TRIO: variants seen among roughly 807,000 people sequenced by gnomAD.
The protein encoded by TRIO is triple functional domain protein.
Under a neutral mutation model 351.9 loss-of-function variants are expected in TRIO, and 58 were observed. That is an observed-to-expected ratio of 0.16 (90% CI 0.13 to 0.21). The LOEUF is 0.21. Ranked by LOEUF, TRIO falls within the 10% of genes least tolerant of loss-of-function variation. The pLI is 1.00. For synonymous variants in TRIO, 1,758 were observed against 1,595.7 expected (o/e 1.10, Z -2.42); for missense variants, 3,201 against 4,027.8 (o/e 0.79, Z 5.56).
At chr5:14,479,869 G>T (rs1222737041) in intron 42 of TRIO, 50 bp from the exon 43 acceptor site, 1 of 1,547,348 alleles carries the variant, frequency 6.5e-7, no homozygotes, top group African/African-American at 1.4e-5. Flanking sequence ...CTAAAAAATT[G>T]CCCTTTAATG....
intron 21 of TRIO, among the ~76,000 whole-genome samples, chr5:14,386,120 G>A (rs1746518186): frequency 6.6e-6 from 1 of 152,234 alleles, no homozygotes; most frequent in African/African-American, 2.4e-5. Flanking sequence ...AGAAGAATAG[G>A]CAGGGAGGCA....
chr5:14,411,542 C>T (rs1469035616), intron 33 of TRIO, among the ~76,000 whole-genome samples: 1 of 152,210 alleles, frequency 6.6e-6, no homozygotes, highest in Non-Finnish European at 1.5e-5. Flanking sequence ...TGTGGAACCC[C>T]CTTCCCAAGC....
intron 33 of TRIO, among the ~76,000 whole-genome samples, chr5:14,415,961 A>G (rs1285116202): frequency 6.6e-6 from 1 of 151,982 alleles, no homozygotes; most frequent in Admixed American, 6.5e-5. Flanking sequence ...AGTCATGGAA[A>G]GTGAGATTTT....
chr5:14,171,800 G>GACC (rs1201708181), intron 1 of TRIO, among the ~76,000 whole-genome samples: 2 of 152,122 alleles, frequency 1.3e-5, no homozygotes, highest in Non-Finnish European at 2.9e-5. Context: ...ATGGTCGGTG[G>GACC]TTAGTAGATA....
intron 53 of TRIO, 90 bp from the exon 54 acceptor site, chr5:14,502,489 G>A (rs1418529565): frequency 3.0e-6 from 4 of 1,349,078 alleles, no homozygotes; most frequent in Non-Finnish European, 4.2e-6. Flanking sequence ...GCCACGCGCA[G>A]CTGCTGTGAG....
Position 14,336,551 on chromosome 5 carries a change from G to A in TRIO, c.1870G>A (p.Ala624Thr), listed in dbSNP as rs1363784876. ...TCTTGTGCAGAACACATACACCAAT[G>A]CGGATAAATTACTGGAAGCAGCAGA... ...EEVAQNTYTN[A>T]DKLLEAAEQL... Residue 624 changes from alanine (A) to threonine (T), a missense_variant, in exon 11 of 57, where the codon GCG (alanine) becomes ACG (threonine). Ala to Thr is a moderately conservative substitution (Grantham distance 58). Around this residue, in one of 19 missense-constraint regions of TRIO, gnomAD observed 38 missense variants for 93.4 expected, o/e 0.41. Coordinates refer to ENST00000344204, the MANE Select transcript of TRIO (RefSeq NM_007118.4). 1.2e-6 allele frequency: 2 copies of A among 1,614,026 alleles called. No homozygotes were observed. The highest frequency in any genetic ancestry group is 1.7e-6 in the Non-Finnish European group (2 of 1,180,038).
At chr5:14,344,417 A>G (rs1742225553) in intron 11 of TRIO, among the ~76,000 whole-genome samples, 1 of 152,236 alleles carries the variant, frequency 6.6e-6, no homozygotes, top group African/African-American at 2.4e-5. Context: ...AATTGAGAAA[A>G]TATAGTATAA....
chr5:14,149,139 A>G (rs1318242203), intron 1 of TRIO, among the ~76,000 whole-genome samples: 2 of 152,272 alleles, frequency 1.3e-5, no homozygotes, highest in East Asian at 3.9e-4. Context: ...GGGGCCCTGC[A>G]TGTGCTGCTG....
Position 14,427,786 on chromosome 5 carries a change from G to A in TRIO, c.5203+7765G>A, listed in dbSNP as rs560484182. 3.7e-4 allele frequency among the ~76,000 whole-genome samples: 57 copies of A among 152,244 alleles called. 1 individual carries two copies. The South Asian group carries it at 7.7e-3, about 21-fold the overall frequency. On this transcript the variant is annotated intron_variant, in intron 34 of 56. Transcript: ENST00000344204. ...GGCTGAGCCAGGGAAGCCGAGCCTGGGTGCCTTTTTGGTGCCTACTCTGAC... is the reference window on the plus strand; with the variant it reads ...GGCTGAGCCAGGGAAGCCGAGCCTGAGTGCCTTTTTGGTGCCTACTCTGAC...
At chr5:14,224,332 A>C (rs1308932674) in intron 1 of TRIO, among the ~76,000 whole-genome samples, 1 of 152,160 alleles carries the variant, frequency 6.6e-6, no homozygotes, top group African/African-American at 2.4e-5. Context: ...AAAATAGTTT[A>C]CAATATAAGT....
chr5:14,405,110 A>T (rs1748588197), intron 31 of TRIO, among the ~76,000 whole-genome samples: 1 of 150,378 alleles, frequency 6.6e-6, no homozygotes, highest in Admixed American at 6.6e-5. Flanking sequence ...AAAAGTCTGG[A>T]TCAAGTGATG....
At chr5:14,442,861 T>G (rs114105546) in intron 34 of TRIO, among the ~76,000 whole-genome samples, 4 of 152,210 alleles carry the variant, frequency 2.6e-5, no homozygotes. Context: ...TTACCTTCTC[T>G]CTCTGAACTT....
At chr5:14,269,050 A>G (rs1795846468) in intron 1 of TRIO, among the ~76,000 whole-genome samples, 1 of 152,178 alleles carries the variant, frequency 6.6e-6, no homozygotes, top group South Asian at 2.1e-4. Flanking sequence ...GCCAGCACAA[A>G]GCATGGTGCA....
intron 11 of TRIO, among the ~76,000 whole-genome samples, chr5:14,348,421 A>G (rs1742639205): frequency 6.6e-6 from 1 of 152,202 alleles, no homozygotes; most frequent in South Asian, 2.1e-4. Context: ...AGTTCTATTT[A>G]TTTCTACTAA....
intron 1 of TRIO, among the ~76,000 whole-genome samples, chr5:14,163,957 G>C (rs561417734): frequency 6.6e-6 from 1 of 152,160 alleles, no homozygotes; most frequent in Non-Finnish European, 1.5e-5. Flanking sequence ...GATAATTCCT[G>C]AGTTGCTCTT....
At position 14,225,802 on chromosome 5, in the gene TRIO, C is replaced by CG. The variant is rs1371102096; in HGVS notation, c.158-45023_158-45022insG. Among the ~76,000 whole-genome samples, 84 of 133,782 alleles carry CG rather than the reference C, an allele frequency of 6.3e-4. 1 individual carries two copies. The highest frequency in any genetic ancestry group is 2.9e-3 in the African/African-American group (84 of 29,114). 87.8% of individuals were successfully genotyped at this position (133,782 alleles called of 152,430 possible). ...ATATTCACTGCTCCCACCCCCCCCC[C>CG]CACCTCCAAGCCCAAAAGGATGATA... is the stretch of plus-strand genomic sequence containing the variant. On this transcript the variant is annotated intron_variant, in intron 1 of 56. Coordinates refer to ENST00000344204, the MANE Select transcript of TRIO (RefSeq NM_007118.4).
intron 1 of TRIO, among the ~76,000 whole-genome samples, chr5:14,265,666 G>T (rs1795630152): frequency 6.6e-6 from 1 of 152,124 alleles, no homozygotes; most frequent in African/African-American, 2.4e-5. Flanking sequence ...GAGCATTCTG[G>T]TCATCAGTGA....
At chr5:14,357,190 C>T (rs930999297) in intron 11 of TRIO, among the ~76,000 whole-genome samples, 3 of 152,218 alleles carry the variant, frequency 2.0e-5, no homozygotes, top group African/African-American at 4.8e-5. Context: ...ACTTATGAGT[C>T]TTGAGGCAGC....
At chr5:14,321,048 A>T (rs2152309314) in intron 9 of TRIO, among the ~76,000 whole-genome samples, 1 of 152,312 alleles carries the variant, frequency 6.6e-6, no homozygotes, top group Admixed American at 6.5e-5. Context: ...GCTTTTTCTG[A>T]ATTCTTCTCA....
Sources: allele counts gnomAD v4.1 joint callset (sites outside exome capture counted in the v4.1 genomes callset), GRCh38; gene constraint gnomAD v4.1.1; regional missense constraint gnomAD v4.1.1; transcripts MANE v1.5; gene names NCBI Gene and HGNC (gene_info 2026-07-23, HGNC 2026-07-21).